The following EPB41L5 variants were observed in gnomAD, a reference collection of about 807,000 sequenced individuals.
EPB41L5 encodes erythrocyte membrane protein band 4.1 like 5.
Under a neutral mutation model 106.6 loss-of-function variants are expected in EPB41L5, and 55 were observed. That is an observed-to-expected ratio of 0.52 (90% CI 0.42 to 0.65). The LOEUF (loss-of-function observed/expected upper bound fraction) is 0.65. Ranked by LOEUF, EPB41L5 falls within the 30% of genes least tolerant of loss-of-function variation. The pLI, the probability that EPB41L5 is intolerant of heterozygous loss-of-function variation, is 0.00. For synonymous variants in EPB41L5, 297 were observed against 306.7 expected, an observed-to-expected ratio of 0.97 and a Z score of 0.33; for missense variants, 871 against 882.1, an observed-to-expected ratio of 0.99 and a Z score of 0.16.
intron 16 of EPB41L5, among the ~76,000 whole-genome samples, chr2:120,120,710 T>G (rs1407181778): frequency 1.3e-5 from 2 of 152,162 alleles, no homozygotes; most frequent in South Asian, 4.1e-4. Flanking sequence ...TGGTATTGTT[T>G]GTGGTTAAAG....
intron 3 of EPB41L5, among the ~76,000 whole-genome samples, chr2:120,047,572 G>A (rs1280893894): frequency 1.3e-5 from 2 of 152,006 alleles, no homozygotes; most frequent in Non-Finnish European, 2.9e-5. Flanking sequence ...CTGAGATGAT[G>A]GGGTTTTCTA....
intron 2 of EPB41L5, among the ~76,000 whole-genome samples, chr2:120,031,856 C>T (rs896204579): frequency 6.6e-6 from 1 of 152,070 alleles, no homozygotes; most frequent in African/African-American, 2.4e-5. Flanking sequence ...ATTAGAAGGG[C>T]GCAGTGTGGT....
At chr2:120,165,363 A>T (rs1423678340) in intron 22 of EPB41L5, among the ~76,000 whole-genome samples, 2 of 152,226 alleles carry the variant, frequency 1.3e-5, no homozygotes, top group Admixed American at 1.3e-4. Context: ...AAATCCATGC[A>T]TGCTTAAATC....
At chr2:120,135,938 A>T (rs1480126009) in intron 18 of EPB41L5, among the ~76,000 whole-genome samples, 1 of 152,130 alleles carries the variant, frequency 6.6e-6, no homozygotes, top group Non-Finnish European at 1.5e-5. Context: ...ACTAACAAAT[A>T]CGGCATATTA....
chr2:120,066,930 CTG>C (rs1231744177), intron 3 of EPB41L5, among the ~76,000 whole-genome samples: 7 of 152,162 alleles, frequency 4.6e-5, no homozygotes, highest in Non-Finnish European at 5.9e-5. Context: ...GAACTGTTTA[CTG>C]CTGTAGGTTG....
At chr2:120,108,559 T>C (rs1010756178) in intron 16 of EPB41L5, 21 of 152,236 alleles carry the variant, frequency 1.4e-4, no homozygotes, top group African/African-American at 4.6e-4. Context: ...TAAAAGGTTA[T>C]GATAATAGGA....
At chr2:120,155,359 A>T (rs1157228442) in intron 20 of EPB41L5, among the ~76,000 whole-genome samples, 1 of 152,164 alleles carries the variant, frequency 6.6e-6, no homozygotes, top group Non-Finnish European at 1.5e-5. Flanking sequence ...GTTTCTAATG[A>T]GAAGTTGGCT....
At position 120,143,008 on chromosome 2, in the gene EPB41L5, A is replaced by G. The variant is rs752654230; in HGVS notation, c.1605A>G (p.Glu535=). 2 of 1,611,392 alleles carry G rather than the reference A, an allele frequency of 1.2e-6. No individual in the cohort carries two copies. Among genetic ancestry groups the G allele is most frequent in the African/African-American group, 2.7e-5 (2 of 74,794 alleles). The change falls in exon 19 of 25, where the codon GAA becomes GAG. Residue 535 remains glutamate, a synonymous_variant. Transcript: ENST00000263713. The stretch of plus-strand genomic sequence containing the variant: ...TATATTTTTAAAATATCTAGGAGGA[A>G]GTGGTGAAGTTGACTGAGAAATGCC... ...NIDVNINSQE[E]VVKLTEKCLN...
intron 3 of EPB41L5, among the ~76,000 whole-genome samples, chr2:120,048,972 G>A (rs922050770): frequency 5.3e-5 from 8 of 152,012 alleles, no homozygotes; most frequent in East Asian, 1.9e-4. Flanking sequence ...GTAGTTGAGC[G>A]GTTTTGAGTT....
At chr2:120,164,932 A>G in intron 22 of EPB41L5, 22 bp downstream of exon 22, 1 of 1,536,238 alleles carries the variant, frequency 6.5e-7, no homozygotes. Context: ...TTAAAATAGT[A>G]TGATGGAAAG....
At chr2:120,168,143 C>CTGTT (rs1687500760) in intron 24 of EPB41L5, 136 bp downstream of exon 24, 1 of 1,048,750 alleles carries the variant, frequency 9.5e-7, no homozygotes, top group Non-Finnish European at 1.3e-6. Flanking sequence ...AATCTTTTTT[C>CTGTT]TGTTTGTTAT....
intron 17 of EPB41L5, among the ~76,000 whole-genome samples, chr2:120,130,777 G>C (rs532600387): frequency 6.6e-6 from 1 of 152,178 alleles, no homozygotes; most frequent in East Asian, 1.9e-4. Context: ...GATTGTTAAC[G>C]TGTATCCGGG....
At chr2:120,077,375 T>C in intron 9 of EPB41L5, 59 bp downstream of exon 9, 1 of 1,474,500 alleles carries the variant, frequency 6.8e-7, no homozygotes, top group Admixed American at 1.8e-5. Flanking sequence ...TCGCAGTGAC[T>C]GTGGAATTTT....
intron 17 of EPB41L5, chr2:120,128,078 T>C (rs1685537855): frequency 3.1e-6 from 1 of 327,274 alleles, no homozygotes; most frequent in African/African-American, 2.1e-5. Context: ...CATTAAACAT[T>C]TAAGAGTCTT....
intron 18 of EPB41L5, among the ~76,000 whole-genome samples, chr2:120,132,675 C>G (rs962446236): frequency 6.6e-6 from 1 of 152,144 alleles, no homozygotes; most frequent in East Asian, 1.9e-4. Flanking sequence ...TTTCAGTATT[C>G]TATCCCACTT....
At chr2:120,076,794 T>C (rs1289777743) in intron 7 of EPB41L5, among the ~76,000 whole-genome samples, 177 bp from the exon 8 acceptor site, 1 of 152,146 alleles carries the variant, frequency 6.6e-6, no homozygotes, top group Non-Finnish European at 1.5e-5. Context: ...AAAATAAATA[T>C]GAGATATATG....
At chr2:120,121,289 G>A (rs1011681857) in intron 16 of EPB41L5, among the ~76,000 whole-genome samples, 1 of 152,088 alleles carries the variant, frequency 6.6e-6, no homozygotes, top group Non-Finnish European at 1.5e-5. Flanking sequence ...GTGCCATGTT[G>A]GTTTGCTGCA....
chr2:120,089,618 A>G (rs1270749016), intron 11 of EPB41L5, among the ~76,000 whole-genome samples: 3 of 151,930 alleles, frequency 2.0e-5, no homozygotes, highest in Admixed American at 2.0e-4. Context: ...TTACTTGACC[A>G]TTTCTCTTTT....
intron 5 of EPB41L5, among the ~76,000 whole-genome samples, chr2:120,074,831 A>G (rs977102471): frequency 1.3e-5 from 2 of 152,102 alleles, no homozygotes. Context: ...CCATGTCTGT[A>G]TCCCTTCACA....
Sources: gnomAD v4.1 joint callset for allele counts (sites outside exome capture counted in the v4.1 genomes callset) on GRCh38, gnomAD v4.1.1 for gene constraint, MANE v1.5 for transcripts, NCBI Gene and HGNC (gene_info 2026-07-23, HGNC 2026-07-21) for gene names.